The following SNRPN variants were observed in gnomAD, a reference collection of about 807,000 sequenced individuals.
The protein encoded by SNRPN is small nuclear ribonucleoprotein-associated protein N.
In SNRPN, 7 loss-of-function variants were observed where a neutral mutation model predicts 25.2. That is an observed-to-expected ratio of 0.28 (90% CI 0.16 to 0.52). The LOEUF is 0.52. SNRPN is among the 20% of genes least tolerant of loss of function. SNRPN has a pLI of 0.96. For missense variants in SNRPN, 196 were observed against 322.5 expected, an observed-to-expected ratio of 0.61 and a Z score of 3.00; for synonymous variants, 124 against 110.6, an observed-to-expected ratio of 1.12 and a Z score of -0.76.
At chr15:24,933,334 TG>T (rs2061005441) in intron 3 of SNRPN, among the ~76,000 whole-genome samples, 1 of 138,884 alleles carries the variant, frequency 7.2e-6, no homozygotes, top group South Asian at 2.6e-4. Context: ...GGAGGGCGGC[TG>T]GTTTAAAGAA....
intron 3 of SNRPN, among the ~76,000 whole-genome samples, chr15:24,948,280 A>AT (rs2062010673): frequency 6.6e-6 from 1 of 151,710 alleles, no homozygotes; most frequent in African/African-American, 2.4e-5. Flanking sequence ...TGCCCAGTTA[A>AT]TTTTTGTATT....
At chr15:24,897,564 G>A (rs2058152037) in intron 2 of SNRPN, among the ~76,000 whole-genome samples, 1 of 152,194 alleles carries the variant, frequency 6.6e-6, no homozygotes, top group Non-Finnish European at 1.5e-5. Context: ...CAGAATGGAT[G>A]ACAACGTGAG....
At chr15:24,839,362 A>G (rs2051478370) in intron 2 of SNRPN, among the ~76,000 whole-genome samples, 1 of 152,046 alleles carries the variant, frequency 6.6e-6, no homozygotes, top group African/African-American at 2.4e-5. Context: ...GGTGTTCAAA[A>G]TCATGACATA....
intron 3 of SNRPN, among the ~76,000 whole-genome samples, chr15:24,947,499 T>G (rs1405312699): frequency 1.3e-5 from 2 of 152,264 alleles, no homozygotes; most frequent in East Asian, 3.9e-4. Flanking sequence ...CATGGTGACA[T>G]GCACCTGTAG....
intron 1 of SNRPN, among the ~76,000 whole-genome samples, chr15:24,881,886 G>A (rs1342898178): frequency 3.3e-5 from 5 of 152,152 alleles, no homozygotes; most frequent in African/African-American, 7.2e-5. Context: ...AACAAAGCCT[G>A]GCTTTAGGAT....
intron 2 of SNRPN, chr15:24,850,720 C>G (rs1566824338): frequency 6.6e-6 from 1 of 152,124 alleles, no homozygotes; most frequent in South Asian, 2.1e-4. Context: ...TAGAAGGAGC[C>G]TGGTCTATGT....
intron 2 of SNRPN, among the ~76,000 whole-genome samples, chr15:24,915,272 C>A (rs778433008): frequency 6.6e-6 from 1 of 151,814 alleles, no homozygotes; most frequent in African/African-American, 2.4e-5. Context: ...GGATTACAGG[C>A]GTGCACCACC....
chr15:24,954,647 G>A (rs1003575938), upstream of SNRPN, among the ~76,000 whole-genome samples: 1 of 152,326 alleles, frequency 6.6e-6, no homozygotes, highest in South Asian at 2.1e-4. Context: ...AGACCTGAGG[G>A]TGAGTGTAAA....
At chr15:24,838,277 C>T (rs1337592927) in intron 2 of SNRPN, among the ~76,000 whole-genome samples, 2 of 151,902 alleles carry the variant, frequency 1.3e-5, no homozygotes, top group African/African-American at 4.8e-5. Flanking sequence ...CCTCGTGATC[C>T]ACCCGCCTCG....
At chr15:24,951,883 T>C (rs1305576178), upstream of SNRPN, among the ~76,000 whole-genome samples, 1 of 152,194 alleles carries the variant, frequency 6.6e-6, no homozygotes, top group Non-Finnish European at 1.5e-5. Flanking sequence ...TTTTCTCCCA[T>C]TCTCTTGGCT....
chr15:24,919,342 A>T (rs1378830421), intron 2 of SNRPN, among the ~76,000 whole-genome samples: 1 of 151,398 alleles, frequency 6.6e-6, no homozygotes, highest in African/African-American at 2.4e-5. Context: ...GAGGCAGGAG[A>T]ATGGCGTGAA....
At chr15:24,828,457 A>C (rs2050254998) in intron 1 of SNRPN, among the ~76,000 whole-genome samples, 1 of 152,002 alleles carries the variant, frequency 6.6e-6, no homozygotes, top group South Asian at 2.1e-4. Context: ...AAATAAACAT[A>C]TGTGGCTTGA....
chr15:24,925,983 C>T (rs1202359159), intron 3 of SNRPN, among the ~76,000 whole-genome samples: 1 of 152,174 alleles, frequency 6.6e-6, no homozygotes, highest in African/African-American at 2.4e-5. Context: ...ATCCGCCCGC[C>T]TCGGCCTCCC....
chr15:24,887,040 A>C (rs2057259677), intron 2 of SNRPN, among the ~76,000 whole-genome samples: 1 of 151,912 alleles, frequency 6.6e-6, no homozygotes, highest in Non-Finnish European at 1.5e-5. Flanking sequence ...CACTTGGCAT[A>C]GTTACTGACC....
At chr15:24,935,643 T>C (rs2061175529) in intron 3 of SNRPN, among the ~76,000 whole-genome samples, 1 of 152,172 alleles carries the variant, frequency 6.6e-6, no homozygotes, top group African/African-American at 2.4e-5. Context: ...AAACATGTCA[T>C]CTCAAGCATG....
At chr15:24,928,104 A>G (rs2060536777) in intron 3 of SNRPN, among the ~76,000 whole-genome samples, 1 of 152,226 alleles carries the variant, frequency 6.6e-6, no homozygotes, top group African/African-American at 2.4e-5. Flanking sequence ...GATGCAGATG[A>G]CAGGGAACTC....
chr15:24,962,133 C>T lies in SNRPN; in HGVS notation c.-371C>T. 6.2e-7 allele frequency: 1 copy of T among 1,614,080 alleles called. No homozygotes were observed. Among genetic ancestry groups the T allele is most frequent in the South Asian group, 1.1e-5 (1 of 91,086 alleles). On this transcript the variant is annotated 5_prime_UTR_variant, in exon 2 of 10. The change creates a new upstream start codon in the 5' untranslated region. Coordinates refer to ENST00000390687, the MANE Select transcript of SNRPN (RefSeq NM_003097.6). Reference sequence around the variant, plus strand: ...TTTCAGGGATCGCTTACACCTGAGACGAACTACAGAACAGCACGTACCAGA... The same window carrying T: ...TTTCAGGGATCGCTTACACCTGAGATGAACTACAGAACAGCACGTACCAGA...
At position 24,872,365 on chromosome 15, in the gene SNRPN, C is replaced by T. The variant is rs553570581; in HGVS notation, c.-578-14151C>T. ...TATTTTTAGTAGAGACAGGGTTTCA[C>T]CATTTTGGCCAGGCTGGTCTCAAAC... On this transcript the variant is annotated intron_variant, in intron 1 of 11. Transcript: ENST00000400097. Among the ~76,000 whole-genome samples, 4 of 119,500 alleles carry T rather than the reference C, an allele frequency of 3.3e-5. 2 individuals carry two copies. The East Asian group carries it at 1.2e-3, about 37-fold the overall frequency. The allele number at this position is 119,500 out of a possible 152,430, so 78.4% of individuals were successfully genotyped here.
At position 24,962,074 on chromosome 15, in the gene SNRPN, A is replaced by T. The variant is rs754033392; in HGVS notation, c.-390-40A>T. The T allele has an allele frequency of 1.9e-5, 27 of 1,459,028 alleles. No homozygotes were observed. In the Admixed American group the frequency reaches 4.5e-4, roughly 24 times the overall value. The allele number at this position is 1,459,028 out of a possible 1,614,324, so 90.4% of individuals were successfully genotyped here. ...TGACAAATAGTTATTTCATAGATTG[A>T]TGCAGTCTACCAAACAAATGCCTCT... On this transcript the variant is annotated intron_variant, in intron 1 of 9. Coordinates refer to ENST00000390687, the MANE Select transcript of SNRPN (RefSeq NM_003097.6).
Sources: allele counts gnomAD v4.1 joint callset (sites outside exome capture counted in the v4.1 genomes callset), GRCh38; gene constraint gnomAD v4.1.1; transcripts MANE v1.5; gene names NCBI Gene and HGNC (gene_info 2026-07-23, HGNC 2026-07-21).